ZNF385B: variants seen among roughly 807,000 people sequenced by gnomAD.
The protein encoded by ZNF385B is zinc finger protein 533.
Under a neutral mutation model 39.2 loss-of-function variants are expected in ZNF385B, and 23 were observed. The observed-to-expected ratio is 0.59, with a 90% CI of 0.42 to 0.83. ZNF385B has a LOEUF of 0.83. ZNF385B is among the 40% of genes least tolerant of loss of function. ZNF385B has a pLI of 0.00. For missense variants in ZNF385B, 552 were observed against 598.9 expected, an observed-to-expected ratio of 0.92 and a Z score of 0.82; for synonymous variants, 205 against 222.6, an observed-to-expected ratio of 0.92 and a Z score of 0.70.
At chr2:179,566,892 T>C (rs1244270005) in intron 3 of ZNF385B, among the ~76,000 whole-genome samples, 1 of 151,698 alleles carries the variant, frequency 6.6e-6, no homozygotes, top group African/African-American at 2.4e-5. Flanking sequence ...TGAGTGACTA[T>C]ATAATCTTTT....
Position 179,445,649 on chromosome 2 carries a change from T to A in ZNF385B, c.1041A>T (p.Leu347Phe). The A allele has an allele frequency of 6.2e-7, 1 of 1,614,124 alleles. No homozygotes were observed. Among genetic ancestry groups the A allele is most frequent in the Non-Finnish European group, 8.5e-7 (1 of 1,179,988 alleles). Residue 347 changes from leucine (L) to phenylalanine (F), a missense_variant, in exon 8 of 10, where the codon TTA (leucine) becomes TTT (phenylalanine). Physicochemically the swap from Leu to Phe is conservative, Grantham distance 22. Coordinates refer to ENST00000410066, the MANE Select transcript of ZNF385B (RefSeq NM_152520.6). Reference sequence around the variant, plus strand: ...ACCCCTTACTGCCATTCTGCATCTTTAATCTTGATCCAGGTCTAGGATAGG... The same window carrying A: ...ACCCCTTACTGCCATTCTGCATCTTAAATCTTGATCCAGGTCTAGGATAGG... Reference protein sequence around the residue: ...IKSYPRPGSRLKMQNGSKGSG... With the variant: ...IKSYPRPGSRFKMQNGSKGSG...
rs151085656 is a variant in ZNF385B, at chr2:179,581,652, C to T, written c.299-36683G>A. Among the ~76,000 whole-genome samples, 156 of 152,290 alleles carry T rather than the reference C, an allele frequency of 1.0e-3. 1 individual carries two copies. The highest frequency in any genetic ancestry group is 3.4e-3 in the Middle Eastern group (1 of 294). ...AGGCACTGCTAGTTGTCTTTCCAAT[C>T]TCCAAAATATCAGAAGTATGAGCTC... On this transcript the variant is annotated intron_variant, in intron 3 of 9. Transcript: ENST00000410066.
chr2:179,667,028 TA>T (rs1695249556), intron 3 of ZNF385B, among the ~76,000 whole-genome samples: 3 of 152,214 alleles, frequency 2.0e-5, no homozygotes, highest in Non-Finnish European at 4.4e-5. Context: ...ACTTGCATAA[TA>T]AAATATGTAT....
chr2:179,535,891 A>G (rs1319384078), intron 4 of ZNF385B, among the ~76,000 whole-genome samples: 2 of 152,188 alleles, frequency 1.3e-5, no homozygotes, highest in African/African-American at 2.4e-5. Flanking sequence ...TGTCTCTCCA[A>G]CCCCCAAGGG....
rs2049420853 is a variant in ZNF385B at position 179,445,859 on chromosome 2, C to T, written c.962-131G>A. The T allele has an allele frequency of 1.3e-5, 11 of 839,206 alleles. No homozygotes were observed. In the East Asian group the frequency reaches 2.4e-4, roughly 18 times the overall value. The allele number at this position is 839,206 out of a possible 1,614,324, so 52.0% of individuals were successfully genotyped here. A position where few individuals can be genotyped will look rare whatever the true frequency, so the allele number is the denominator to read the frequency against. On this transcript the variant is annotated intron_variant, in intron 7 of 9. Transcript: ENST00000410066. ...TTTTTTAAAAATGATCACTTTAATG[C>T]TGATTTTAAATTTAACACGTTATTG...
intron 3 of ZNF385B, among the ~76,000 whole-genome samples, chr2:179,709,860 C>T (rs1416548852): frequency 5.3e-5 from 8 of 152,110 alleles, no homozygotes; most frequent in Non-Finnish European, 1.2e-4. Flanking sequence ...TACACCTGCA[C>T]AGAGCTACTG....
At chr2:179,648,090 G>A (rs983740110) in intron 3 of ZNF385B, among the ~76,000 whole-genome samples, 3 of 152,104 alleles carry the variant, frequency 2.0e-5, no homozygotes, top group African/African-American at 4.8e-5. Flanking sequence ...GGGGCAACCC[G>A]AGTGGAGTGA....
At chr2:179,821,967 G>A (rs1559225835) in intron 1 of ZNF385B, among the ~76,000 whole-genome samples, 1 of 152,178 alleles carries the variant, frequency 6.6e-6, no homozygotes, top group African/African-American at 2.4e-5. Flanking sequence ...AATTCACTAT[G>A]TTCTGCTGCA....
chr2:179,580,931 T>C (rs1470146187), intron 3 of ZNF385B, among the ~76,000 whole-genome samples: 2 of 152,182 alleles, frequency 1.3e-5, no homozygotes, highest in East Asian at 3.9e-4. Context: ...CAACCTGGAG[T>C]TGTGGCCTAT....
intron 3 of ZNF385B, among the ~76,000 whole-genome samples, chr2:179,610,735 T>C (rs896173047): frequency 6.6e-6 from 1 of 152,144 alleles, no homozygotes; most frequent in Non-Finnish European, 1.5e-5. Flanking sequence ...CTCTTCAATG[T>C]TGTATAGTTT....
chr2:179,480,734 G>C (rs1317511051), intron 6 of ZNF385B, among the ~76,000 whole-genome samples: 1 of 151,182 alleles, frequency 6.6e-6, no homozygotes, highest in Non-Finnish European at 1.5e-5. Flanking sequence ...AATGACTTTG[G>C]TGTAGCTTTT....
At chr2:179,458,357 T>C (rs185777972) in intron 6 of ZNF385B, among the ~76,000 whole-genome samples, 13 of 152,344 alleles carry the variant, frequency 8.5e-5, no homozygotes, top group African/African-American at 3.1e-4. Flanking sequence ...GACTTGCTCC[T>C]CCTTGCCTTC....
chr2:179,521,353 GTT>G (rs56392185), intron 4 of ZNF385B, among the ~76,000 whole-genome samples: 4 of 108,172 alleles, frequency 3.7e-5, no homozygotes, highest in African/African-American at 7.2e-5. Flanking sequence ...CACCTGGCCA[GTT>G]TTTTTTTTTT....
chr2:179,755,436 T>C (rs1247575446), intron 3 of ZNF385B, among the ~76,000 whole-genome samples: 1 of 152,214 alleles, frequency 6.6e-6, no homozygotes, highest in Non-Finnish European at 1.5e-5. Flanking sequence ...GTTCTGTAGA[T>C]GTCTATTAGG....
chr2:179,496,707 A>G (rs913417473), intron 5 of ZNF385B, among the ~76,000 whole-genome samples: 1 of 152,174 alleles, frequency 6.6e-6, no homozygotes, highest in African/African-American at 2.4e-5. Flanking sequence ...ACTGAAGGAA[A>G]AAAATCTTTT....
In ZNF385B at chr2:179,642,251, G is replaced by A. The variant is rs965003871; in HGVS notation, c.299-97282C>T. On this transcript the variant is annotated intron_variant, in intron 3 of 9. Coordinates refer to ENST00000410066, the MANE Select transcript of ZNF385B (RefSeq NM_152520.6). ...ATATTTAAAATAACAGATGTCTTAA[G>A]GGAGTAAATGGGAGTCTGTTTTGAA... 3.9e-5 allele frequency among the ~76,000 whole-genome samples: 6 copies of A among 152,086 alleles called. No individual in the cohort carries two copies. The South Asian group carries it at 1.2e-3, about 32-fold the overall frequency.
chr2:179,529,923 G>A (rs981255041), intron 4 of ZNF385B, among the ~76,000 whole-genome samples: 3 of 152,136 alleles, frequency 2.0e-5, no homozygotes, highest in African/African-American at 7.2e-5. Context: ...TGGGTTGGGT[G>A]TTTCCTTATT....
intron 1 of ZNF385B, among the ~76,000 whole-genome samples, chr2:179,841,911 G>A (rs1256616214): frequency 6.6e-6 from 1 of 152,126 alleles, no homozygotes; most frequent in Non-Finnish European, 1.5e-5. Flanking sequence ...TCACTCTCAA[G>A]AACAAAATGA....
At chr2:179,555,394 T>C (rs1322021561) in intron 3 of ZNF385B, among the ~76,000 whole-genome samples, 1 of 149,404 alleles carries the variant, frequency 6.7e-6, no homozygotes, top group Non-Finnish European at 1.5e-5. Flanking sequence ...GCCAGAAATG[T>C]TCTTTCCTTG....
Sources: allele counts gnomAD v4.1 joint callset (sites outside exome capture counted in the v4.1 genomes callset), GRCh38; gene constraint gnomAD v4.1.1; transcripts MANE v1.5; gene names NCBI Gene and HGNC (gene_info 2026-07-23, HGNC 2026-07-21).